The following EPM2A variants were observed in gnomAD, a reference collection of about 807,000 sequenced individuals.
EPM2A encodes laforin.
In EPM2A, 21 loss-of-function variants were observed where a neutral mutation model predicts 26.5. That is an observed-to-expected ratio of 0.79 (90% CI 0.56 to 1.14). The LOEUF (loss-of-function observed/expected upper bound fraction) is 1.14, where lower values mean the gene tolerates loss of function less well. EPM2A is among the 50% of genes most tolerant of loss of function. The probability of loss-of-function intolerance (pLI) is 0.00; values close to 1 mark genes in which losing one functional copy is unlikely to be tolerated. For missense variants in EPM2A, 458 were observed against 440.8 expected (o/e 1.04, Z -0.35); for synonymous variants, 217 against 177.6 (o/e 1.22, Z -1.76).
At chr6:145,515,939 G>C (rs1478318818) in intron 2 of EPM2A, among the ~76,000 whole-genome samples, 1 of 152,152 alleles carries the variant, frequency 6.6e-6, no homozygotes, top group Admixed American at 6.5e-5. Context: ...ACTGGGCAAA[G>C]GGGAAATATC....
chr6:145,549,596 C>T (rs1018569622), intron 2 of EPM2A, among the ~76,000 whole-genome samples: 7 of 152,068 alleles, frequency 4.6e-5, no homozygotes, highest in African/African-American at 1.2e-4. Context: ...ACACTATAAA[C>T]GCTGATATTA....
chr6:145,558,747 A>AGATAAGATGACTAAAGCCCAAG (rs372729464), intron 2 of EPM2A, among the ~76,000 whole-genome samples: 2,405 of 152,204 alleles, frequency 0.016, 60 homozygotes, highest in African/African-American at 0.054. Flanking sequence ...CTTTAATAAG[A>AGATAAGATGACTAAAGCCCAAG]GATAAGATGA....
intron 2 of EPM2A, among the ~76,000 whole-genome samples, chr6:145,659,302 C>T (rs1778517583): frequency 6.6e-6 from 1 of 152,020 alleles, no homozygotes; most frequent in African/African-American, 2.4e-5. Context: ...GTCCTATACC[C>T]AATACTCTAT....
chr6:145,619,127 T>C (rs1267906595), intron 2 of EPM2A, among the ~76,000 whole-genome samples: 1 of 152,046 alleles, frequency 6.6e-6, no homozygotes, highest in African/African-American at 2.4e-5. Context: ...GTTGCCAGTG[T>C]CTGCTCAACA....
intron 1 of EPM2A, among the ~76,000 whole-genome samples, chr6:145,690,479 C>T (rs906233816): frequency 1.1e-4 from 15 of 142,002 alleles, no homozygotes; most frequent in Admixed American, 2.9e-4. Context: ...CACTGCAGTC[C>T]GCAGTCCGGC....
In EPM2A at chr6:145,521,108, G is replaced by C. The variant is rs28572016; in HGVS notation, c.341-18533C>G. Reference sequence around the variant, plus strand: ...GGTTGGGAGATCTGGCATATATCTGGAATGCTTTCAACAGGAGTGTGGAGA... The same window carrying C: ...GGTTGGGAGATCTGGCATATATCTGCAATGCTTTCAACAGGAGTGTGGAGA... On this transcript the variant is annotated intron_variant, in intron 2 of 3. Coordinates refer to the EPM2A transcript ENST00000450221. 7.6e-3 allele frequency among the ~76,000 whole-genome samples: 1,164 copies of C among 152,236 alleles called. 16 individuals are homozygous for C. The highest frequency in any genetic ancestry group is 0.027 in the African/African-American group (1,109 of 41,532).
chr6:145,597,360 A>G (rs1160596491), intron 2 of EPM2A, among the ~76,000 whole-genome samples: 1 of 152,280 alleles, frequency 6.6e-6, no homozygotes, highest in Admixed American at 6.5e-5. Context: ...AATTTGGCTA[A>G]GCCTATAATT....
intron 2 of EPM2A, among the ~76,000 whole-genome samples, chr6:145,509,839 C>T (rs1780029602): frequency 6.6e-6 from 1 of 152,094 alleles, no homozygotes; most frequent in African/African-American, 2.4e-5. Context: ...TTTAAGAGAT[C>T]TATCTCACAT....
At chr6:145,692,728 TGTCTGGCA>T (rs757811482) in intron 1 of EPM2A, among the ~76,000 whole-genome samples, 3 of 152,050 alleles carry the variant, frequency 2.0e-5, no homozygotes, top group Non-Finnish European at 4.4e-5. Flanking sequence ...TGGTTTTAGG[TGTCTGGCA>T]TTATTTCTGG....
At chr6:145,430,999 G>T (rs1262997441) in intron 4 of EPM2A, among the ~76,000 whole-genome samples, 2 of 151,994 alleles carry the variant, frequency 1.3e-5, no homozygotes, top group African/African-American at 4.8e-5. Flanking sequence ...TCAAACATCA[G>T]AGCTTAAAAA....
intron 2 of EPM2A, among the ~76,000 whole-genome samples, chr6:145,548,618 G>A (rs1422925548): frequency 6.6e-6 from 1 of 152,012 alleles, no homozygotes; most frequent in Non-Finnish European, 1.5e-5. Flanking sequence ...GGTACACATG[G>A]TAGCAACACC....
chr6:145,674,103 G>A (rs1002942621), intron 2 of EPM2A, among the ~76,000 whole-genome samples: 3 of 152,154 alleles, frequency 2.0e-5, no homozygotes, highest in African/African-American at 7.2e-5. Context: ...GAAGGATCAG[G>A]CAGCAATATT....
At chr6:145,660,373 C>T (rs1489276783) in intron 2 of EPM2A, among the ~76,000 whole-genome samples, 1 of 151,930 alleles carries the variant, frequency 6.6e-6, no homozygotes, top group African/African-American at 2.4e-5. Context: ...TTAAGAATAC[C>T]TAATACAATA....
chr6:145,729,609 C>T (rs2128644534), intron 1 of EPM2A, among the ~76,000 whole-genome samples: 1 of 138,642 alleles, frequency 7.2e-6, no homozygotes, highest in East Asian at 2.2e-4. Flanking sequence ...AATGGGAGTA[C>T]TTAGCCAATG....
Position 145,627,362 on chromosome 6 carries a change from C to T in EPM2A, c.*54G>A, listed in dbSNP as rs146597385. On this transcript the variant is annotated 3_prime_UTR_variant, in exon 4 of 4. Coordinates refer to ENST00000367519, the MANE Select transcript of EPM2A (RefSeq NM_005670.4). ...CCTTGTTTCTAGGTCATTTGACCAACATCATCCCAGGCTCCTTAGGGAAAT... is the reference window on the plus strand; with the variant it reads ...CCTTGTTTCTAGGTCATTTGACCAATATCATCCCAGGCTCCTTAGGGAAAT... 54 of 1,610,994 alleles carry T rather than the reference C, an allele frequency of 3.4e-5. No homozygotes were observed. In the East Asian group the frequency reaches 1.2e-3, roughly 35 times the overall value.
intron 2 of EPM2A, among the ~76,000 whole-genome samples, chr6:145,546,170 G>A (rs1369962249): frequency 6.6e-6 from 1 of 152,102 alleles, no homozygotes; most frequent in Non-Finnish European, 1.5e-5. Flanking sequence ...AAGTCTGAAG[G>A]CCTGAGAAAC....
chr6:145,403,383 C>T (rs1303792228), intron 4 of EPM2A, among the ~76,000 whole-genome samples: 1 of 151,638 alleles, frequency 6.6e-6, no homozygotes, highest in Non-Finnish European at 1.5e-5. Flanking sequence ...TCCCACACCC[C>T]CTCCCCCCAA....
chr6:145,439,471 GTTA>G (rs957662613), intron 4 of EPM2A, among the ~76,000 whole-genome samples: 6 of 152,048 alleles, frequency 3.9e-5, no homozygotes, highest in Admixed American at 2.0e-4. Flanking sequence ...TCACCAGCAT[GTTA>G]TTATTATTTT....
intron 2 of EPM2A, among the ~76,000 whole-genome samples, chr6:145,663,045 T>G (rs967762507): frequency 1.3e-5 from 2 of 152,088 alleles, no homozygotes; most frequent in African/African-American, 2.4e-5. Flanking sequence ...TCCATAAAAC[T>G]TAGCATGAGG....
Sources: gnomAD v4.1 joint callset for allele counts (sites outside exome capture counted in the v4.1 genomes callset) on GRCh38, gnomAD v4.1.1 for gene constraint, MANE v1.5 for transcripts, NCBI Gene and HGNC (gene_info 2026-07-23, HGNC 2026-07-21) for gene names.